Variants in CCT6B observed in about 807,000 individuals in gnomAD.
The protein encoded by CCT6B is probable T-complex protein 1 subunit zeta-2.
In CCT6B, 49 loss-of-function variants were observed where a neutral mutation model predicts 61.5. That is an observed-to-expected ratio of 0.80 (90% CI 0.63 to 1.01). CCT6B has a LOEUF of 1.01. Among genes scored for constraint, CCT6B ranks in the 50% least tolerant of loss-of-function variants. The pLI, the probability that CCT6B is intolerant of heterozygous loss-of-function variation, is 0.00. For synonymous variants in CCT6B, 228 were observed against 214.5 expected (o/e 1.06, Z -0.55); for missense variants, 666 against 634.7 (o/e 1.05, Z -0.53).
chr17:34,958,523 C>A (rs2090373837), intron 3 of CCT6B, 37 bp downstream of exon 3: 2 of 1,322,256 alleles, frequency 1.5e-6, no homozygotes, highest in African/African-American at 1.5e-5. Context: ...AATAATTTGC[C>A]ATTCAAAATA....
intron 5 of CCT6B, chr17:34,949,547 A>C (rs2090268508): frequency 6.6e-6 from 1 of 151,872 alleles, no homozygotes; most frequent in Admixed American, 6.6e-5. Flanking sequence ...GGAAGGCAGG[A>C]AGGAAGGAAG....
At chr17:34,953,695 T>G (rs929875948) in intron 4 of CCT6B, among the ~76,000 whole-genome samples, 3 of 152,216 alleles carry the variant, frequency 2.0e-5, no homozygotes, top group Non-Finnish European at 4.4e-5. Context: ...ACTTCATGCC[T>G]GTAATCCCAG....
intron 5 of CCT6B, among the ~76,000 whole-genome samples, chr17:34,948,209 C>T (rs190208720): frequency 4.6e-5 from 7 of 152,070 alleles, no homozygotes; most frequent in African/African-American, 1.7e-4. Context: ...TCCCACCCTT[C>T]CCCCCGGGGT....
chr17:34,940,682 T>C (rs952075631), intron 7 of CCT6B, 61 bp from the exon 8 acceptor site: 2 of 893,626 alleles, frequency 2.2e-6, no homozygotes, highest in South Asian at 3.4e-5. Flanking sequence ...CTCAAACCTT[T>C]TGGTCTCAGC....
rs752084729 is a variant in CCT6B at position 34,961,276 on chromosome 17, G to C, written c.118C>G (p.Pro40Ala). 2 of 1,610,986 alleles carry C rather than the reference G, an allele frequency of 1.2e-6. No individual in the cohort carries two copies. The highest frequency in any genetic ancestry group is 2.7e-5 in the African/African-American group (2 of 74,770). Reference protein sequence around the residue: ...LQDVLRTNLGPKGTMKMLVSG... With the variant: ...LQDVLRTNLGAKGTMKMLVSG... ...TCTCACATTTTCATGGTGCCTTTAG[G>C]ACCCAAGTTGGTCCGCAGCACATCC... The change falls in exon 1 of 14, where the codon CCT becomes GCT. Residue 40 changes from proline to alanine, a missense_variant. Pro to Ala is a conservative substitution (Grantham distance 27). Transcript: ENST00000314144.
intron 8 of CCT6B, among the ~76,000 whole-genome samples, chr17:34,940,154 G>A (rs1000108026): frequency 6.6e-6 from 1 of 151,928 alleles, no homozygotes; most frequent in Non-Finnish European, 1.5e-5. Flanking sequence ...TGTATCCTTT[G>A]ACCCACATAT....
At chr17:34,950,723 G>C (rs1011154041) in intron 5 of CCT6B, among the ~76,000 whole-genome samples, 1 of 152,112 alleles carries the variant, frequency 6.6e-6, no homozygotes, top group Admixed American at 6.5e-5. Flanking sequence ...AAGGTGAGGA[G>C]TTCGAGACCA....
chr17:34,936,653 T>C (rs529657955), intron 10 of CCT6B, among the ~76,000 whole-genome samples: 4 of 152,072 alleles, frequency 2.6e-5, no homozygotes, highest in African/African-American at 9.7e-5. Flanking sequence ...ATGGAAATTT[T>C]AAAAATAGCA....
Position 34,939,638 on chromosome 17 carries a change from A to G in CCT6B, c.1044T>C (p.Gly348=), listed in dbSNP as rs189867157. 21 of 1,609,502 alleles carry G rather than the reference A, an allele frequency of 1.3e-5. No homozygotes were observed. The African/African-American group carries it at 2.5e-4, about 19-fold the overall frequency. Residue 348 remains glycine (G), a synonymous_variant, in exon 9 of 14, where the codon GGT becomes GGC. Transcript: ENST00000314144. ...TCACTAATGTATACTCATACACAAG[A>G]CCAGCATGTCCCAAGCAATCTACAG... is the stretch of plus-strand genomic sequence containing the variant. ...DLTVDCLGHA[G]LVYEYTLGEE... is the part of the protein sequence containing the mutation.
Position 34,928,967 on chromosome 17 carries a change from G to GTTTTTTTT in CCT6B, c.1517_1518insAAAAAAAA (p.His506GlnfsTer8). The stretch of plus-strand genomic sequence containing the variant: ...TTATGTTCATATGAACTTACCAAGA[G>GTTTTTTTT]TGAAGAAGTTGTTTTTTTACACAAT... On this transcript the variant is annotated frameshift_variant, in exon 13 of 14. Transcript: ENST00000314144. LOFTEE classifies it high-confidence loss of function. The GTTTTTTTT allele has an allele frequency of 1.3e-6, 2 of 1,567,092 alleles. No individual in the cohort carries two copies. The highest frequency in any genetic ancestry group is 1.8e-6 in the Non-Finnish European group (2 of 1,138,096).
intron 5 of CCT6B, among the ~76,000 whole-genome samples, chr17:34,945,495 T>C (rs926218736): frequency 4.6e-5 from 7 of 152,202 alleles, no homozygotes; most frequent in African/African-American, 2.4e-5. Flanking sequence ...GACCGCTCTA[T>C]TTCTGTCATG....
Position 34,952,067 on chromosome 17 carries a change from G to C in CCT6B, c.511-14C>G, listed in dbSNP as rs1265646001. 1.3e-6 allele frequency: 2 copies of C among 1,485,658 alleles called. No homozygotes were observed. The highest frequency in any genetic ancestry group is 1.9e-6 in the Non-Finnish European group (2 of 1,065,696). 92.0% of individuals were successfully genotyped at this position (1,485,658 alleles called of 1,614,324 possible). A position where few individuals can be genotyped will look rare whatever the true frequency, so the allele number is the denominator to read the frequency against. On this transcript the variant is annotated splice_polypyrimidine_tract_variant and intron_variant, in intron 4 of 13. Transcript: ENST00000314144. ...ATCCACCACAACCTGAAAGAGAAAT[G>C]AATGAGAACAGTTAAGTTATTTGGA...
intron 8 of CCT6B, among the ~76,000 whole-genome samples, chr17:34,940,126 C>G (rs1477436824): frequency 6.6e-6 from 1 of 152,086 alleles, no homozygotes; most frequent in Non-Finnish European, 1.5e-5. Flanking sequence ...ATTTATTCCT[C>G]CTAACTAACT....
Position 34,940,612 on chromosome 17 carries a change from G to C in CCT6B, c.895C>G (p.Pro299Ala). The C allele has an allele frequency of 6.6e-7, 1 of 1,511,292 alleles. No homozygotes were observed. The allele number at this position is 1,511,292 out of a possible 1,614,324, so 93.6% of individuals were successfully genotyped here. A position where few individuals can be genotyped will look rare whatever the true frequency, so the allele number is the denominator to read the frequency against. ...TTTGCAAGAGAATCTAAGGAAAATG[G>C]ATCAATTCCCTATAATCAAATTAAC... ...FVVINQKGID[P>A]FSLDSLAKHG... Residue 299 changes from proline (P) to alanine (A), a missense_variant, in exon 8 of 14, where the codon CCA becomes GCA. By Grantham distance (27) the Pro-to-Ala change is conservative. Coordinates refer to ENST00000314144, the MANE Select transcript of CCT6B (RefSeq NM_006584.4).
At chr17:34,933,412 C>T (rs1014438741) in intron 10 of CCT6B, among the ~76,000 whole-genome samples, 3 of 152,094 alleles carry the variant, frequency 2.0e-5, no homozygotes, top group Non-Finnish European at 2.9e-5. Context: ...CAAAACAATA[C>T]GAAAACAATC....
In CCT6B at chr17:34,932,422, C is replaced by CCTTTTATACTGTTCTTATATGT. The variant is rs2090046019; in HGVS notation, c.1270_1291dup (p.Gly431AspfsTer3). 6.2e-7 allele frequency: 1 copy of CCTTTTATACTGTTCTTATATGT among 1,612,154 alleles called. No homozygotes were observed. The highest frequency in any genetic ancestry group is 8.5e-7 in the Non-Finnish European group (1 of 1,179,200). On this transcript the variant is annotated stop_gained and frameshift_variant, in exon 11 of 14. Transcript: ENST00000314144. LOFTEE classifies it high-confidence loss of function. Reference sequence around the variant, plus strand: ...AGCTTGGACTCCAAGACGAGCTCTTCCTTTTATACTGTTCTTATATGTAAC... The same window carrying CCTTTTATACTGTTCTTATATGT: ...AGCTTGGACTCCAAGACGAGCTCTTCCTTTTATACTGTTCTTATATGTCTTTTATACTGTTCTTATATGTAAC...
In CCT6B at chr17:34,961,299, T is replaced by C; in HGVS notation, c.95A>G (p.Asp32Gly). The C allele has an allele frequency of 6.2e-7, 1 of 1,613,070 alleles. No homozygotes were observed. Among genetic ancestry groups the C allele is most frequent in the Non-Finnish European group, 8.5e-7 (1 of 1,179,862 alleles). ...VNICAARGLQ[D>G]VLRTNLGPKG... is the part of the protein sequence containing the mutation. ...AGGACCCAAGTTGGTCCGCAGCACA[T>C]CCTGCAGCCCTCGGGCGGCGCATAT... Residue 32 changes from aspartate (D) to glycine (G), a missense_variant, in exon 1 of 14, where the codon GAT (aspartate) becomes GGT (glycine). Transcript: ENST00000314144.
At chr17:34,933,369 A>G (rs1313360067) in intron 10 of CCT6B, among the ~76,000 whole-genome samples, 1 of 152,156 alleles carries the variant, frequency 6.6e-6, no homozygotes, top group Non-Finnish European at 1.5e-5. Flanking sequence ...AAAGTTTATG[A>G]CTCTTATTTA....
chr17:34,939,467 TAAC>T lies in CCT6B; in HGVS notation c.1066-140_1066-138del, dbSNP rs1357335014. On this transcript the variant is annotated intron_variant, in intron 9 of 13. Transcript: ENST00000314144. ...GGGAGTTAAGTTATATCTGAACTCT[TAAC>T]AAACATTTAGGTAAATAAACTGTAA... 6.0e-6 allele frequency: 5 copies of T among 836,564 alleles called. No homozygotes were observed. In the East Asian group the frequency reaches 8.0e-5, roughly 13 times the overall value. The allele number at this position is 836,564 out of a possible 1,614,324, so 51.8% of individuals were successfully genotyped here. A position where few individuals can be genotyped will look rare whatever the true frequency, so the allele number is the denominator to read the frequency against.
Sources: gnomAD v4.1 joint callset for allele counts (sites outside exome capture counted in the v4.1 genomes callset) on GRCh38, gnomAD v4.1.1 for gene constraint, MANE v1.5 for transcripts, NCBI Gene and HGNC (gene_info 2026-07-23, HGNC 2026-07-21) for gene names.